DPP10: variants seen among roughly 807,000 people sequenced by gnomAD.
DPP10 encodes inactive dipeptidyl peptidase 10.
DPP10 carries 33 observed loss-of-function variants against 120.9 expected under a neutral mutation model. The ratio of observed to expected loss-of-function variants is 0.27; its 90% confidence interval spans 0.21 to 0.37. DPP10 has a LOEUF of 0.37. DPP10 is among the 10% of genes least tolerant of loss of function. The pLI, the probability that DPP10 is intolerant of heterozygous loss-of-function variation, is 1.00. For synonymous variants in DPP10, 337 were observed against 326.1 expected (o/e 1.03, Z -0.36); for missense variants, 816 against 942.8 (o/e 0.87, Z 1.76).
intron 1 of DPP10, among the ~76,000 whole-genome samples, chr2:114,520,817 G>A (rs544867123): frequency 1.1e-3 from 165 of 152,300 alleles, no homozygotes; most frequent in Non-Finnish European, 2.1e-3. Context: ...TGGGCTTGCT[G>A]TGAACCAAGA....
chr2:114,931,205 G>C (rs1211176788), intron 1 of DPP10, among the ~76,000 whole-genome samples: 1 of 151,994 alleles, frequency 6.6e-6, no homozygotes, highest in Non-Finnish European at 1.5e-5. Flanking sequence ...TTCTGTCTTT[G>C]CTTGTTTGTG....
At chr2:115,681,164 T>C (rs1400485379) in intron 5 of DPP10, among the ~76,000 whole-genome samples, 1 of 151,552 alleles carries the variant, frequency 6.6e-6, no homozygotes, top group Non-Finnish European at 1.5e-5. Context: ...GGAATCAAAA[T>C]GTAAAATGTG....
intron 1 of DPP10, among the ~76,000 whole-genome samples, chr2:114,870,529 A>AACAAGACTTTATTCCCATGAAAAATTTAC (rs1222563736): frequency 2.2e-5 from 3 of 138,306 alleles, no homozygotes; most frequent in East Asian, 3.1e-4. Flanking sequence ...AGAAGCTACA[A>AACAAGACTTTATTCCCATGAAAAATTTAC]AAAGTAGTCA....
chr2:114,452,982 G>T (rs1678371957), intron 1 of DPP10, among the ~76,000 whole-genome samples: 1 of 152,022 alleles, frequency 6.6e-6, no homozygotes, highest in Non-Finnish European at 1.5e-5. Flanking sequence ...TTGTTGGTTA[G>T]AACTAAATCT....
In DPP10 at chr2:114,723,836, CTAAA is replaced by C. The variant is rs201167141; in HGVS notation, c.60+281008_60+281011del. On this transcript the variant is annotated intron_variant, in intron 1 of 25. Transcript: ENST00000410059. The stretch of plus-strand genomic sequence containing the variant: ...ATATTTATGACTTAATATGTCATAT[CTAAA>C]TAAATAAATTGTTAATGACTAAATC... 9.4e-3 allele frequency among the ~76,000 whole-genome samples: 1,435 copies of C among 152,048 alleles called. 19 individuals are homozygous for C. Among genetic ancestry groups the C allele is most frequent in the African/African-American group, 0.033 (1,371 of 41,436 alleles).
chr2:115,239,897 C>A (rs968740670), intron 1 of DPP10, among the ~76,000 whole-genome samples: 1 of 152,112 alleles, frequency 6.6e-6, no homozygotes, highest in African/African-American at 2.4e-5. Flanking sequence ...ATCATGGTTT[C>A]CAGCTTCATC....
intron 1 of DPP10, among the ~76,000 whole-genome samples, chr2:114,979,210 AT>A (rs1367771626): frequency 6.6e-6 from 1 of 152,120 alleles, no homozygotes; most frequent in African/African-American, 2.4e-5. Context: ...TTTATTAAAA[AT>A]GTTAATCAGG....
chr2:114,774,345 CT>C (rs1681541086), intron 1 of DPP10, among the ~76,000 whole-genome samples: 1 of 151,538 alleles, frequency 6.6e-6, no homozygotes, highest in African/African-American at 2.4e-5. Context: ...GTCTTTGGGG[CT>C]TGGTTTTTGT....
intron 5 of DPP10, chr2:115,579,685 C>T (rs925731912): frequency 2.0e-5 from 3 of 152,038 alleles, no homozygotes. Flanking sequence ...GTATAAAAGA[C>T]CTTCATATAC....
chr2:115,447,277 A>G (rs1394408515), intron 3 of DPP10, among the ~76,000 whole-genome samples: 1 of 152,128 alleles, frequency 6.6e-6, no homozygotes, highest in Non-Finnish European at 1.5e-5. Flanking sequence ...CTGTACCCCC[A>G]TTGTATCTTG....
intron 1 of DPP10, among the ~76,000 whole-genome samples, chr2:114,890,154 C>A (rs1692423321): frequency 6.6e-6 from 1 of 152,012 alleles, no homozygotes; most frequent in Admixed American, 6.6e-5. Context: ...TGTATATATC[C>A]CAGGGTTTAT....
chr2:114,802,746 A>G (rs1397034422), intron 1 of DPP10, among the ~76,000 whole-genome samples: 1 of 152,208 alleles, frequency 6.6e-6, no homozygotes, highest in Non-Finnish European at 1.5e-5. Context: ...TTAAATCATT[A>G]TGCTCTCACC....
chr2:115,144,409 C>G (rs929196981), intron 1 of DPP10: 1 of 151,950 alleles, frequency 6.6e-6, no homozygotes. Flanking sequence ...ACTCTTTTTA[C>G]GTCGAATAGT....
At chr2:114,468,514 G>A (rs1485354300) in intron 1 of DPP10, among the ~76,000 whole-genome samples, 1 of 151,914 alleles carries the variant, frequency 6.6e-6, no homozygotes, top group Middle Eastern at 3.4e-3. Context: ...TTTGAAACTC[G>A]GAATTCATTT....
At chr2:115,234,019 C>A in intron 1 of DPP10, 1 of 503,260 alleles carries the variant, frequency 2.0e-6, no homozygotes, top group Non-Finnish European at 3.9e-6. Flanking sequence ...AAATGCTTTT[C>A]AAGGTACCTT....
intron 3 of DPP10, among the ~76,000 whole-genome samples, chr2:115,433,027 A>G (rs552111077): frequency 3.4e-4 from 51 of 152,100 alleles, no homozygotes; most frequent in African/African-American, 1.2e-3. Context: ...CCCTGCCCTG[A>G]GAAAAGGGAC....
intron 1 of DPP10, among the ~76,000 whole-genome samples, chr2:115,264,896 C>T (rs781134716): frequency 6.6e-6 from 1 of 152,054 alleles, no homozygotes. Context: ...AGGAAATAGT[C>T]ATAAGAAAAT....
At chr2:115,037,781 C>G (rs1704331292) in intron 1 of DPP10, among the ~76,000 whole-genome samples, 1 of 152,228 alleles carries the variant, frequency 6.6e-6, no homozygotes, top group African/African-American at 2.4e-5. Context: ...ATCTACATTT[C>G]TCATTCCAAT....
chr2:115,499,826 A>G (rs2076592169), intron 4 of DPP10, among the ~76,000 whole-genome samples: 1 of 152,054 alleles, frequency 6.6e-6, no homozygotes, highest in African/African-American at 2.4e-5. Flanking sequence ...AATTGGAGAA[A>G]TATTTCCAAA....
Sources: allele counts gnomAD v4.1 joint callset (sites outside exome capture counted in the v4.1 genomes callset), GRCh38; gene constraint gnomAD v4.1.1; transcripts MANE v1.5; gene names NCBI Gene and HGNC (gene_info 2026-07-23, HGNC 2026-07-21).